XKRX: variants seen among roughly 807,000 people sequenced by gnomAD.
XKRX encodes the protein XK-related protein 2.
A neutral mutation model predicts 22.4 loss-of-function variants in XKRX; 11 were observed. The ratio of observed to expected loss-of-function variants is 0.49; its 90% CI spans 0.31 to 0.81. The LOEUF (loss-of-function observed/expected upper bound fraction) is 0.81, where lower values mean the gene tolerates loss of function less well. Among genes scored for constraint, XKRX ranks in the 40% least tolerant of loss-of-function variants. The pLI is 0.05. For missense variants in XKRX, 320 were observed against 336.5 expected (o/e 0.95, Z 0.38); for synonymous variants, 114 against 132.2 (o/e 0.86, Z 0.94).
At chrX:100,922,032 A>G (rs1227988439) in intron 2 of XKRX, among the ~76,000 whole-genome samples, 1 of 108,290 alleles carries the variant, frequency 9.2e-6, no homozygotes, top group Non-Finnish European at 1.9e-5. Context: ...ACGGGTTTTC[A>G]TCATGTTAGC....
the XKRX span, among the ~76,000 whole-genome samples, chrX:100,936,710 C>T: frequency 9.1e-6 from 1 of 109,715 alleles, no homozygotes; most frequent in Non-Finnish European, 1.9e-5. Context: ...AGGAAACTTA[C>T]AATAATGGCA....
chrX:100,893,723 A>T, the XKRX span, among the ~76,000 whole-genome samples: 1 of 112,119 alleles, frequency 8.9e-6, no homozygotes, highest in Non-Finnish European at 1.9e-5. Context: ...CAGAATATCA[A>T]ATAGTGCATG....
the XKRX span, among the ~76,000 whole-genome samples, chrX:100,899,325 G>T: frequency 8.9e-6 from 1 of 112,768 alleles, no homozygotes; most frequent in African/African-American, 3.2e-5. Context: ...GACCAGCCTG[G>T]CCAACATGGT....
chrX:100,896,858 A>G, the XKRX span, among the ~76,000 whole-genome samples: 1 of 111,603 alleles, frequency 9.0e-6, no homozygotes, highest in African/African-American at 3.3e-5. Context: ...ATTTTTAATA[A>G]TATTAACTCA....
the XKRX span, among the ~76,000 whole-genome samples, chrX:100,937,145 C>T: frequency 9.1e-6 from 1 of 110,387 alleles, no homozygotes; most frequent in South Asian, 3.9e-4. Context: ...CACGTGCCAC[C>T]ATGTCCAGCT....
At chrX:100,945,772 A>ACT in the XKRX span, among the ~76,000 whole-genome samples, 2 of 83,600 alleles carry the variant, frequency 2.4e-5, no homozygotes, top group Admixed American at 1.5e-4. Flanking sequence ...GTGCCACTGC[A>ACT]CTCCAGCCTG....
At chrX:100,894,461 T>A in the XKRX span, among the ~76,000 whole-genome samples, 1 of 111,718 alleles carries the variant, frequency 9.0e-6, no homozygotes, top group Non-Finnish European at 1.9e-5. Context: ...TATTTTGATA[T>A]CTGCATTTGA....
chrX:100,927,981 T>A lies in XKRX; in HGVS notation c.324A>T (p.Gly108=), dbSNP rs2085505120. The change falls in exon 1 of 3, where the codon GGA becomes GGT. Residue 108 remains glycine (G), a synonymous_variant. Coordinates refer to ENST00000372956, the MANE Select transcript of XKRX (RefSeq NM_212559.3). ...TAAAAGTTGCTCACCTGATAACAGG[T>A]CCCAAGAGGATTAGATGCATAAATA... is the stretch of plus-strand genomic sequence containing the variant. ...LSLFMHLILL[G]PVIRCLEAMI... is the part of the protein sequence containing the mutation. The A allele has an allele frequency of 5.8e-6, 7 of 1,197,563 alleles. No individual in the cohort carries two copies. Among genetic ancestry groups the A allele is most frequent in the Non-Finnish European group, 7.9e-6 (7 of 889,502 alleles).
the XKRX span, among the ~76,000 whole-genome samples, chrX:100,943,851 T>G: frequency 1.8e-5 from 2 of 112,191 alleles, no homozygotes; most frequent in South Asian, 7.4e-4. Flanking sequence ...TAGGTTGCTT[T>G]TCGTTTCTTA....
At chrX:100,946,345 A>G in the XKRX span, among the ~76,000 whole-genome samples, 1 of 112,189 alleles carries the variant, frequency 8.9e-6, no homozygotes, top group African/African-American at 3.2e-5. Flanking sequence ...AAGAGCCTAC[A>G]TTAATCAGAG....
At chrX:100,897,593 ATGTGTGTGTGTGTG>A in the XKRX span, among the ~76,000 whole-genome samples, 27 of 66,462 alleles carry the variant, frequency 4.1e-4, no homozygotes, top group South Asian at 4.0e-3. Flanking sequence ...AAATATATAT[ATGTGTGTGTGTGTG>A]TGTGTGTGTG....
At chrX:100,952,268 A>C in the XKRX span, among the ~76,000 whole-genome samples, 1 of 111,251 alleles carries the variant, frequency 9.0e-6, no homozygotes, top group South Asian at 3.8e-4. Flanking sequence ...TCATGATAAA[A>C]GCTCTTAGCA....
Position 100,922,919 on chromosome X carries a change from T to C in XKRX, c.478A>G (p.Thr160Ala), listed in dbSNP as rs2085480444. 2 of 1,209,184 alleles carry C rather than the reference T, an allele frequency of 1.7e-6. No individual in the cohort carries two copies. Among genetic ancestry groups the C allele is most frequent in the African/African-American group, 3.5e-5 (2 of 56,897 alleles). The change falls in exon 2 of 3, where the codon ACC (threonine) becomes GCC (alanine). Residue 160 changes from threonine (T) to alanine (A), a missense_variant. Transcript: ENST00000372956. The stretch of plus-strand genomic sequence containing the variant: ...TAGGCATTGCGGTGCATAGCCAGGG[T>C]CCGGATGGAGTGGCCCACCTCCCAT... ...IEWEVGHSIR[T>A]LAMHRNAYKR... is the part of the protein sequence containing the mutation.
the XKRX span, among the ~76,000 whole-genome samples, chrX:100,958,805 A>T: frequency 1.8e-5 from 2 of 112,079 alleles, no homozygotes; most frequent in African/African-American, 6.5e-5. Context: ...AAATTTTTTA[A>T]CCTTCAGCTT....
intron 2 of XKRX, among the ~76,000 whole-genome samples, chrX:100,918,394 G>A (rs947235555): frequency 2.7e-5 from 3 of 111,835 alleles, no homozygotes; most frequent in African/African-American, 9.7e-5. Context: ...GAATGTGAGA[G>A]CATACATCCA....
intron 2 of XKRX, among the ~76,000 whole-genome samples, chrX:100,915,866 C>A (rs2085432957): frequency 9.0e-6 from 1 of 110,501 alleles, no homozygotes; most frequent in African/African-American, 3.3e-5. Context: ...TATGTGGAAT[C>A]TAAAAAAGTT....
chrX:100,902,393 C>T, the XKRX span, among the ~76,000 whole-genome samples: 7 of 111,946 alleles, frequency 6.3e-5, no homozygotes, highest in East Asian at 2.8e-4. Context: ...CAATTCCCAA[C>T]TTATTTTATG....
At chrX:100,947,316 T>A in the XKRX span, among the ~76,000 whole-genome samples, 1 of 112,174 alleles carries the variant, frequency 8.9e-6, no homozygotes, top group Non-Finnish European at 1.9e-5. Flanking sequence ...CCCAATTACT[T>A]TAGCCGCCAC....
the XKRX span, among the ~76,000 whole-genome samples, chrX:100,900,843 G>A: frequency 1.0e-5 from 1 of 99,807 alleles, no homozygotes; most frequent in South Asian, 5.0e-4. Flanking sequence ...AGGCTGGAGT[G>A]CAGTGTCACG....
Sources: gnomAD v4.1 joint callset for allele counts (sites outside exome capture counted in the v4.1 genomes callset) on GRCh38, gnomAD v4.1.1 for gene constraint, MANE v1.5 for transcripts, NCBI Gene and HGNC (gene_info 2026-07-23, HGNC 2026-07-21) for gene names.